Variants in DHRSX observed in about 807,000 individuals in gnomAD.
DHRSX encodes the protein dehydrogenase/reductase X-linked, also known as polyprenol dehydrogenase.
Under a neutral mutation model 34.0 loss-of-function variants are expected in DHRSX, and 31 were observed. That is an observed-to-expected ratio of 0.91 (90% CI 0.69 to 1.23). The LOEUF (loss-of-function observed/expected upper bound fraction) is 1.23. Among genes scored for constraint, DHRSX ranks in the 50% most tolerant of loss-of-function variants. DHRSX has a pLI of 0.00. For missense variants in DHRSX, 414 were observed against 428.1 expected, an observed-to-expected ratio of 0.97 and a Z score of 0.29; for synonymous variants, 201 against 183.8, an observed-to-expected ratio of 1.09 and a Z score of -0.76.
At chrX:2,247,540 G>A (rs1045394799) in intron 5 of DHRSX, among the ~76,000 whole-genome samples, 1 of 151,034 alleles carries the variant, frequency 6.6e-6, no homozygotes, top group Non-Finnish European at 1.5e-5. Context: ...TGTAGTCCCA[G>A]CTACTCGGGA....
intron 4 of DHRSX, among the ~76,000 whole-genome samples, chrX:2,283,127 C>T (rs771353555): frequency 6.6e-6 from 1 of 151,948 alleles, no homozygotes; most frequent in East Asian, 1.9e-4. Context: ...CAACCCACTT[C>T]CTAGAATCTC....
At chrX:2,308,925 T>C (rs1275224644) in intron 3 of DHRSX, among the ~76,000 whole-genome samples, 2 of 151,780 alleles carry the variant, frequency 1.3e-5, no homozygotes, top group African/African-American at 4.8e-5. Flanking sequence ...TCCCAGAAAA[T>C]ACTGTCAATA....
chrX:2,244,275 G>C (rs184199130), intron 5 of DHRSX, among the ~76,000 whole-genome samples: 1 of 149,416 alleles, frequency 6.7e-6, no homozygotes, highest in Non-Finnish European at 1.5e-5. Context: ...AAATCGATCC[G>C]ATAACCGCGG....
At chrX:2,308,364 C>A (rs1340294180) in intron 3 of DHRSX, among the ~76,000 whole-genome samples, 1 of 152,090 alleles carries the variant, frequency 6.6e-6, no homozygotes, top group African/African-American at 2.4e-5. Context: ...GGAGGAATTA[C>A]AATTGTTAAA....
At chrX:2,226,039 A>G (rs1465140025) in intron 6 of DHRSX, among the ~76,000 whole-genome samples, 2 of 152,034 alleles carry the variant, frequency 1.3e-5, no homozygotes, top group East Asian at 3.9e-4. Flanking sequence ...CGCCCAGCCC[A>G]CACCTTCATC....
In DHRSX at chrX:2,489,119, C is replaced by T. The variant is rs763127290; in HGVS notation, c.109+11698G>A. The T allele has an allele frequency of 2.0e-5, 32 of 1,613,518 alleles. No individual in the cohort carries two copies. In the Admixed American group the frequency reaches 2.3e-4, roughly 12 times the overall value. ...GCTGGCGGGCGGCGGCGTGGATGTC[C>T]GCATGAGCTTCTTGACGGGAGGCTC... On this transcript the variant is annotated intron_variant, in intron 1 of 6. Transcript: ENST00000334651.
chrX:2,331,726 A>T (rs2124549598), intron 3 of DHRSX, among the ~76,000 whole-genome samples: 1 of 152,230 alleles, frequency 6.6e-6, no homozygotes, highest in South Asian at 2.1e-4. Context: ...CTGGGATTAC[A>T]GGCGTGAGCC....
intron 3 of DHRSX, among the ~76,000 whole-genome samples, chrX:2,305,896 G>A (rs1018594712): frequency 1.3e-5 from 2 of 152,104 alleles, no homozygotes; most frequent in Admixed American, 6.6e-5. Context: ...TGTAGATAAC[G>A]AGTTGATGGG....
At chrX:2,370,929 G>A (rs2043050974) in intron 3 of DHRSX, among the ~76,000 whole-genome samples, 4 of 152,052 alleles carry the variant, frequency 2.6e-5, no homozygotes, top group African/African-American at 9.7e-5. Flanking sequence ...CACATCGAAC[G>A]ACCCCAATCA....
intron 1 of DHRSX, among the ~76,000 whole-genome samples, chrX:2,497,273 A>G (rs1045536781): frequency 1.3e-5 from 2 of 152,118 alleles, no homozygotes; most frequent in Admixed American, 1.3e-4. Context: ...CATGCCTGTA[A>G]TCCCAGCTAC....
chrX:2,464,005 G>A (rs1299956727), intron 1 of DHRSX, among the ~76,000 whole-genome samples: 1 of 152,178 alleles, frequency 6.6e-6, no homozygotes, highest in African/African-American at 2.4e-5. Context: ...CATTCGCTAA[G>A]AATATGGCTA....
chrX:2,298,614 A>ACACACGCACACACACACACACACACG (rs1556457250), intron 3 of DHRSX, among the ~76,000 whole-genome samples: 1 of 82,956 alleles, frequency 1.2e-5, no homozygotes. Context: ...ACACACACAC[A>ACACACGCACACACACACACACACACG]CACACACACA....
At chrX:2,421,823 C>T (rs2043784031) in intron 2 of DHRSX, among the ~76,000 whole-genome samples, 1 of 152,220 alleles carries the variant, frequency 6.6e-6, no homozygotes, top group Admixed American at 6.5e-5. Flanking sequence ...TATTTAAACG[C>T]ATGAGTATAT....
chrX:2,255,153 C>T (rs1453048749), intron 5 of DHRSX, among the ~76,000 whole-genome samples: 4 of 151,672 alleles, frequency 2.6e-5, no homozygotes, highest in African/African-American at 4.8e-5. Flanking sequence ...TTAGTAGAGA[C>T]GGGTTTTTAC....
At chrX:2,426,415 CTTCA>C (rs1477490772) in intron 1 of DHRSX, among the ~76,000 whole-genome samples, 1 of 148,070 alleles carries the variant, frequency 6.8e-6, no homozygotes, top group African/African-American at 2.5e-5. Flanking sequence ...TCCTTTCTTC[CTTCA>C]TTCCTTCCTT....
At chrX:2,451,704 C>T (rs2044220344) in intron 1 of DHRSX, among the ~76,000 whole-genome samples, 1 of 152,144 alleles carries the variant, frequency 6.6e-6, no homozygotes, top group Non-Finnish European at 1.5e-5. Flanking sequence ...ACATGAGAGT[C>T]AGAGACACCC....
intron 5 of DHRSX, among the ~76,000 whole-genome samples, chrX:2,249,858 T>C (rs1423469489): frequency 6.6e-6 from 1 of 151,226 alleles, no homozygotes. Context: ...CTACTTGAAA[T>C]TGATCTTAAA....
chrX:2,344,156 C>G (rs116701350), intron 3 of DHRSX, among the ~76,000 whole-genome samples: 1,999 of 152,260 alleles, frequency 0.013, 36 homozygotes, highest in African/African-American at 0.035. Context: ...AGCCAGCCAG[C>G]AGGAAAGACA....
intron 1 of DHRSX, among the ~76,000 whole-genome samples, chrX:2,432,064 G>A (rs1374019835): frequency 1.3e-5 from 2 of 152,052 alleles, no homozygotes; most frequent in African/African-American, 2.4e-5. Context: ...GGTGGTGTGT[G>A]CCACCTGTAA....
Sources: allele counts gnomAD v4.1 joint callset (sites outside exome capture counted in the v4.1 genomes callset), GRCh38; gene constraint gnomAD v4.1.1; transcripts MANE v1.5; gene names NCBI Gene and HGNC (gene_info 2026-07-23, HGNC 2026-07-21).